Variants in ALPK2 observed in about 807,000 individuals in gnomAD.
ALPK2 encodes alpha-protein kinase 2.
ALPK2 carries 127 observed loss-of-function variants against 163.1 expected under a neutral mutation model. That is an observed-to-expected ratio of 0.78 (90% CI 0.67 to 0.90). ALPK2 has a LOEUF of 0.90. Ranked by LOEUF, ALPK2 falls within the 40% of genes least tolerant of loss-of-function variation. ALPK2 has a pLI of 0.00. For missense variants in ALPK2, 2,360 were observed against 2,589.6 expected (o/e 0.91, Z 1.92); for synonymous variants, 953 against 959.1 (o/e 0.99, Z 0.12).
intron 10 of ALPK2, among the ~76,000 whole-genome samples, chr18:58,513,819 C>T (rs902749256): frequency 6.6e-6 from 1 of 151,966 alleles, no homozygotes; most frequent in Admixed American, 6.6e-5. Flanking sequence ...TGCAGTGAGC[C>T]GTGATTGCAC....
intron 4 of ALPK2, among the ~76,000 whole-genome samples, chr18:58,545,656 C>T (rs541472753): frequency 2.6e-5 from 4 of 152,330 alleles, no homozygotes; most frequent in South Asian, 2.1e-4. Flanking sequence ...GTCAGTCTTC[C>T]GTGTGCCAAC....
intron 4 of ALPK2, among the ~76,000 whole-genome samples, chr18:58,556,910 G>A (rs146578204): frequency 2.0e-4 from 30 of 152,280 alleles, no homozygotes; most frequent in African/African-American, 7.0e-4. Flanking sequence ...CATGACAAAC[G>A]CTACCTACTC....
chr18:58,490,054 G>T (rs555595971), intron 12 of ALPK2, among the ~76,000 whole-genome samples: 2 of 151,686 alleles, frequency 1.3e-5, no homozygotes, highest in East Asian at 3.9e-4. Context: ...CTTGGTGACA[G>T]AGTGAGAGTC....
intron 12 of ALPK2, among the ~76,000 whole-genome samples, chr18:58,489,023 G>A (rs925830634): frequency 1.3e-4 from 20 of 152,142 alleles, no homozygotes; most frequent in East Asian, 7.7e-4. Flanking sequence ...TAAGCGGAGC[G>A]GCACTTTCCC....
At chr18:58,498,203 T>C (rs1423144078) in intron 11 of ALPK2, 106 bp from the exon 12 acceptor site, 14 of 1,026,478 alleles carry the variant, frequency 1.4e-5, no homozygotes, top group Non-Finnish European at 2.0e-5. Context: ...ATCCTCCTTC[T>C]CCTTCCTGCA....
In ALPK2 at chr18:58,535,505, G is replaced by A. The variant is rs1291949404; in HGVS notation, c.4682C>T (p.Thr1561Ile). 1 of 1,614,054 alleles carries A rather than the reference G, an allele frequency of 6.2e-7. No homozygotes were observed. The highest frequency in any genetic ancestry group is 1.3e-5 in the African/African-American group (1 of 74,938). Reference protein sequence around the residue: ...ASLGVDTHNSTGQIHDVPEND... With the variant: ...ASLGVDTHNSIGQIHDVPEND... ...TTCAGGGACGTCATGAATTTGGCCT[G>A]TGGAGTTGTGCGTGTCAACCCCAAG... The change falls in exon 5 of 13, where the codon ACA becomes ATA. Residue 1561 changes from threonine (T) to isoleucine (I), a missense_variant. Physicochemically the swap from Thr to Ile is moderately conservative, Grantham distance 89. Transcript: ENST00000361673.
At chr18:58,487,728 G>A (rs115780339) in intron 12 of ALPK2, among the ~76,000 whole-genome samples, 153 of 152,154 alleles carry the variant, frequency 1.0e-3, no homozygotes, top group African/African-American at 3.4e-3. Flanking sequence ...GTACTCCACT[G>A]AACAGCATTC....
intron 3 of ALPK2, among the ~76,000 whole-genome samples, chr18:58,585,680 CTTTTTTTTTT>C (rs71173066): frequency 1.3e-5 from 1 of 77,636 alleles, no homozygotes; most frequent in African/African-American, 4.9e-5. Flanking sequence ...TTCTATGTTG[CTTTTTTTTTT>C]TTTTTTTTTT....
At chr18:58,561,778 G>A (rs952445425) in intron 4 of ALPK2, among the ~76,000 whole-genome samples, 3 of 152,174 alleles carry the variant, frequency 2.0e-5, no homozygotes, top group Non-Finnish European at 4.4e-5. Context: ...CCACTTTCTG[G>A]TGTGGCCAAG....
Position 58,535,131 on chromosome 18 carries a change from C to A in ALPK2, c.5056G>T (p.Glu1686Ter). The A allele has an allele frequency of 6.2e-7, 1 of 1,614,098 alleles. No homozygotes were observed. The highest frequency in any genetic ancestry group is 8.5e-7 in the Non-Finnish European group (1 of 1,180,016). ...CGGGCTTCCAGGGACTTCTCTCTCT[C>A]CCTGGACTTTTTCGCACAGCCCAGG... is the stretch of plus-strand genomic sequence containing the variant. ...GTLGCAKKSR[E>*]REKSLEARAG... Residue 1686 changes from glutamate (E) to a stop codon, truncating the protein, a stop_gained, in exon 5 of 13, where the codon GAG becomes TAG. Coordinates refer to ENST00000361673, the MANE Select transcript of ALPK2 (RefSeq NM_052947.4). LOFTEE classifies it high-confidence loss of function.
At chr18:58,554,233 G>C (rs1363391600) in intron 4 of ALPK2, among the ~76,000 whole-genome samples, 1 of 152,174 alleles carries the variant, frequency 6.6e-6, no homozygotes, top group African/African-American at 2.4e-5. Flanking sequence ...CTTTGGGGCT[G>C]GAATGATGGA....
chr18:58,528,771 T>C lies in ALPK2; in HGVS notation c.5501+320A>G, dbSNP rs1602202342. 9 of 322,410 alleles carry C rather than the reference T, an allele frequency of 2.8e-5. 1 individual carries two copies. The highest frequency in any genetic ancestry group is 2.7e-4 in the South Asian group (9 of 33,796). The allele number at this position is 322,410 out of a possible 1,614,324, so 20.0% of individuals were successfully genotyped here. The stretch of plus-strand genomic sequence containing the variant: ...AGACATACAGATGAGAGCTCTTTAA[T>C]CTTAGGACCACAGAACCTCAGACTA... On this transcript the variant is annotated intron_variant, in intron 6 of 12. Coordinates refer to ENST00000361673, the MANE Select transcript of ALPK2 (RefSeq NM_052947.4).
chr18:58,573,230 ATG>A (rs765371468), intron 4 of ALPK2, among the ~76,000 whole-genome samples: 1,814 of 16,140 alleles, frequency 0.11, 66 homozygotes, highest in African/African-American at 0.21. Flanking sequence ...ATATGTGTAT[ATG>A]TGTGTATATA....
chr18:58,573,722 A>T (rs2051903926), intron 4 of ALPK2, among the ~76,000 whole-genome samples: 1 of 148,690 alleles, frequency 6.7e-6, no homozygotes, highest in African/African-American at 2.5e-5. Context: ...AGGTCAGCAG[A>T]TAAACATTTT....
At chr18:58,517,608 G>A (rs367838316) in intron 8 of ALPK2, among the ~76,000 whole-genome samples, 1 of 149,446 alleles carries the variant, frequency 6.7e-6, no homozygotes, top group African/African-American at 2.5e-5. Context: ...CCGCAACCAC[G>A]GAATCTTTGC....
At chr18:58,516,243 G>A (rs960388710) in intron 9 of ALPK2, among the ~76,000 whole-genome samples, 1 of 150,386 alleles carries the variant, frequency 6.6e-6, no homozygotes, top group Admixed American at 6.6e-5. Flanking sequence ...AAAAAAAGAC[G>A]GAGTGAAATA....
intron 12 of ALPK2, among the ~76,000 whole-genome samples, chr18:58,487,734 C>T (rs1181002844): frequency 6.6e-6 from 1 of 152,148 alleles, no homozygotes. Flanking sequence ...CACTGAACAG[C>T]ATTCAGACCA....
At chr18:58,518,228 CTTCTT>C (rs1471129180) in intron 8 of ALPK2, among the ~76,000 whole-genome samples, 1 of 152,108 alleles carries the variant, frequency 6.6e-6, no homozygotes, top group African/African-American at 2.4e-5. Flanking sequence ...ATATTTTTCT[CTTCTT>C]TTCAAAATAT....
rs1449215160 is a variant in ALPK2 at position 58,512,799 on chromosome 18, T to C, written c.6029+2194A>G. On this transcript the variant is annotated intron_variant, in intron 10 of 12. Transcript: ENST00000361673. ...GGTGTGTGTGGTGTGTGGGGGTGTG[T>C]GTGATGTGTGTGAGGTGCATGTATG... Among the ~76,000 whole-genome samples, 4 of 131,680 alleles carry C rather than the reference T, an allele frequency of 3.0e-5. No individual in the cohort carries two copies. In the Admixed American group the frequency reaches 3.1e-4, roughly 10 times the overall value. The allele number at this position is 131,680 out of a possible 152,430, so 86.4% of individuals were successfully genotyped here.
Sources: allele counts gnomAD v4.1 joint callset (sites outside exome capture counted in the v4.1 genomes callset), GRCh38; gene constraint gnomAD v4.1.1; transcripts MANE v1.5; gene names NCBI Gene and HGNC (gene_info 2026-07-23, HGNC 2026-07-21).